ZNF595: variants seen among roughly 807,000 people sequenced by gnomAD.
The protein encoded by ZNF595 is zinc finger protein 595.
A neutral mutation model predicts 19.4 loss-of-function variants in ZNF595; 9 were observed. The observed-to-expected ratio is 0.46, with a 90% confidence interval of 0.28 to 0.81. The LOEUF is 0.81. ZNF595 is among the 30% of genes least tolerant of loss of function. ZNF595 has a pLI of 0.11. For missense variants in ZNF595, 729 were observed against 736.0 expected (o/e 0.99, Z 0.11); for synonymous variants, 255 against 255.9 (o/e 1.00, Z 0.03).
chr4:86,957 T>C lies in ZNF595; in HGVS notation c.1453T>C (p.Cys485Arg), dbSNP rs1714228400. 5 of 1,613,770 alleles carry C rather than the reference T, an allele frequency of 3.1e-6. No homozygotes were observed. Among genetic ancestry groups the C allele is most frequent in the Non-Finnish European group, 4.2e-6 (5 of 1,179,896 alleles). ...CGAGAAACCCTACAAATGTGAAGAA[T>C]GTGGCAAAGCTTTCATATGGTCCGC... The part of the protein sequence containing the change: ...TGEKPYKCEE[C>R]GKAFIWSASL... Residue 485 changes from cysteine (C) to arginine (R), a missense_variant, in exon 4 of 4, where the codon TGT becomes CGT. Physicochemically the swap from Cys to Arg is radical, Grantham distance 180. Coordinates refer to ENST00000610261, the MANE Select transcript of ZNF595 (RefSeq NM_182524.4).
chr4:60,871 C>T (rs1280102343), intron 3 of ZNF595, among the ~76,000 whole-genome samples: 22 of 151,864 alleles, frequency 1.4e-4, no homozygotes, highest in African/African-American at 4.9e-4. Flanking sequence ...AATTTGAACT[C>T]TATATATATT....
At position 87,709 on chromosome 4, in the gene ZNF595, A is replaced by G. The variant is rs960833090; in HGVS notation, c.*258A>G. 4.1e-6 allele frequency: 1 copy of G among 241,726 alleles called. No individual in the cohort carries two copies. Among genetic ancestry groups the G allele is most frequent in the Non-Finnish European group, 7.6e-6 (1 of 131,328 alleles). The allele number at this position is 241,726 out of a possible 1,614,324, so 15.0% of individuals were successfully genotyped here. On this transcript the variant is annotated 3_prime_UTR_variant, in exon 4 of 4. Coordinates refer to ENST00000610261, the MANE Select transcript of ZNF595 (RefSeq NM_182524.4). Reference sequence around the variant, plus strand: ...TGTATTACACACAGTCCAGTTATACACTTTAATTTTTTTTTTTTTTTTTTT... The same window carrying G: ...TGTATTACACACAGTCCAGTTATACGCTTTAATTTTTTTTTTTTTTTTTTT...
At chr4:73,184 A>C (rs1713501825) in intron 3 of ZNF595, among the ~76,000 whole-genome samples, 1 of 152,226 alleles carries the variant, frequency 6.6e-6, no homozygotes. Flanking sequence ...TAAGACCTGC[A>C]AGCATCTCCA....
intron 1 of ZNF595, among the ~76,000 whole-genome samples, chr4:55,245 C>A (rs1712582730): frequency 1.3e-5 from 2 of 151,562 alleles, no homozygotes; most frequent in East Asian, 1.9e-4. Context: ...CCCACAAATT[C>A]TCTTTTCTGT....
intron 3 of ZNF595, among the ~76,000 whole-genome samples, chr4:74,236 T>C (rs1258958791): frequency 1.3e-5 from 2 of 151,500 alleles, no homozygotes; most frequent in African/African-American, 4.8e-5. Flanking sequence ...GGCTGGGATG[T>C]TGAGGCTCTC....
intron 3 of ZNF595, among the ~76,000 whole-genome samples, chr4:63,664 C>T (rs1712945296): frequency 6.6e-6 from 1 of 152,304 alleles, no homozygotes; most frequent in African/African-American, 2.4e-5. Context: ...CCTCAGCCTC[C>T]CGAGTAGCTG....
At chr4:80,228 A>G (rs1337300243) in intron 3 of ZNF595, among the ~76,000 whole-genome samples, 1 of 152,102 alleles carries the variant, frequency 6.6e-6, no homozygotes, top group Non-Finnish European at 1.5e-5. Flanking sequence ...CTTCATGTTG[A>G]GGCTGGTCTC....
chr4:72,211 T>TA (rs1560088027), intron 3 of ZNF595, among the ~76,000 whole-genome samples: 1 of 152,324 alleles, frequency 6.6e-6, no homozygotes, highest in Non-Finnish European at 1.5e-5. Context: ...ATGTGAATTT[T>TA]AAAAAAATCT....
intron 3 of ZNF595, among the ~76,000 whole-genome samples, chr4:80,381 A>G (rs1262691019): frequency 6.6e-6 from 1 of 152,256 alleles, no homozygotes; most frequent in African/African-American, 2.4e-5. Flanking sequence ...ATACCTCAAC[A>G]CAATAAAGGC....
intron 3 of ZNF595, among the ~76,000 whole-genome samples, chr4:73,193 C>T (rs895801103): frequency 1.2e-4 from 18 of 151,498 alleles, no homozygotes; most frequent in African/African-American, 4.1e-4. Flanking sequence ...CAAGCATCTC[C>T]AAAATGAGGC....
intron 3 of ZNF595, among the ~76,000 whole-genome samples, chr4:80,621 G>A (rs1392480772): frequency 2.0e-5 from 3 of 152,084 alleles, no homozygotes; most frequent in African/African-American, 7.2e-5. Flanking sequence ...GTAGGTAATG[G>A]AAAATTACAG....
At chr4:74,768 C>T (rs1235215230) in intron 3 of ZNF595, among the ~76,000 whole-genome samples, 2 of 152,116 alleles carry the variant, frequency 1.3e-5, no homozygotes, top group Non-Finnish European at 2.9e-5. Flanking sequence ...TTCTGATTAG[C>T]CTCTCCAAAG....
Position 85,720 on chromosome 4 carries a change from A to ATTTC in ZNF595, c.227-6_227-3dup, listed in dbSNP as rs1553800954. 1 of 1,533,446 alleles carries ATTTC rather than the reference A, an allele frequency of 6.5e-7. No homozygotes were observed. The highest frequency in any genetic ancestry group is 2.3e-5 in the East Asian group (1 of 44,106). The allele number at this position is 1,533,446 out of a possible 1,614,324, so 95.0% of individuals were successfully genotyped here. ...GTAAGTGGGATAATTTGTTATTTTT[A>ATTTC]TTTCTTTCAGCTATATGTTCTCCTT... On this transcript the variant is annotated splice_polypyrimidine_tract_variant and intron_variant, in intron 3 of 3. Coordinates refer to ENST00000610261, the MANE Select transcript of ZNF595 (RefSeq NM_182524.4).
At chr4:71,258 A>C (rs1457454577) in intron 3 of ZNF595, among the ~76,000 whole-genome samples, 1 of 152,236 alleles carries the variant, frequency 6.6e-6, no homozygotes, top group Non-Finnish European at 1.5e-5. Context: ...ATAAAACTAC[A>C]TCATCTGCAA....
At position 86,438 on chromosome 4, in the gene ZNF595, T is replaced by A; in HGVS notation, c.934T>A (p.Tyr312Asn). ...GAATATTCATACTGGAGAGAAACCC[T>A]ACAAATGTAAAGAATGTGGCAAAGC... ...HKNIHTGEKPYKCKECGKAFR... is the reference protein window; with the variant it reads ...HKNIHTGEKPNKCKECGKAFR... The change falls in exon 4 of 4, where the codon TAC becomes AAC. Residue 312 changes from tyrosine (Y) to asparagine (N), a missense_variant. Transcript: ENST00000610261. 6.2e-7 allele frequency: 1 copy of A among 1,614,064 alleles called. No individual in the cohort carries two copies. The highest frequency in any genetic ancestry group is 8.5e-7 in the Non-Finnish European group (1 of 1,179,964).
At chr4:60,757 A>G (rs2108746439) in intron 3 of ZNF595, among the ~76,000 whole-genome samples, 2 of 152,418 alleles carry the variant, frequency 1.3e-5, no homozygotes, top group African/African-American at 4.8e-5. Context: ...AATTCTACAA[A>G]AACTCTTACT....
intron 3 of ZNF595, among the ~76,000 whole-genome samples, chr4:73,768 TATCAA>T (rs1334921442): frequency 1.3e-5 from 2 of 152,222 alleles, no homozygotes; most frequent in African/African-American, 4.8e-5. Flanking sequence ...TGAGTAGTTT[TATCAA>T]ATCCTTTAAC....
chr4:85,741 T>C lies in ZNF595; in HGVS notation c.237T>C (p.Ser79=), dbSNP rs781957920. ...ETAAKPPAIC[S]PFSQDLSPVQ... is the part of the protein sequence containing the mutation. ...TTTTATTTCTTTCAGCTATATGTTC[T>C]CCTTTCAGCCAAGACCTTTCACCAG... The change falls in exon 4 of 4, where the codon TCT becomes TCC. Residue 79 remains serine, a synonymous_variant. Transcript: ENST00000610261. 25 of 1,567,776 alleles carry C rather than the reference T, an allele frequency of 1.6e-5. No homozygotes were observed. Among genetic ancestry groups the C allele is most frequent in the Non-Finnish European group, 2.2e-5 (25 of 1,158,676 alleles).
rs183836524 is a variant in ZNF595, at chr4:76,029, T to G, written c.227-9702T>G. Among the ~76,000 whole-genome samples, 560 of 152,256 alleles carry G rather than the reference T, an allele frequency of 3.7e-3. 5 individuals are homozygous for G. Among genetic ancestry groups the G allele is most frequent in the African/African-American group, 0.013 (547 of 41,530 alleles). ...TCGCAGCCTCCTGAGTAGCTAGGAT[T>G]ACAAGTACATGCCACCATGTCCGGC... On this transcript the variant is annotated intron_variant, in intron 3 of 3. Coordinates refer to ENST00000610261, the MANE Select transcript of ZNF595 (RefSeq NM_182524.4).
Sources: gnomAD v4.1 joint callset for allele counts (sites outside exome capture counted in the v4.1 genomes callset) on GRCh38, gnomAD v4.1.1 for gene constraint, MANE v1.5 for transcripts, NCBI Gene and HGNC (gene_info 2026-07-23, HGNC 2026-07-21) for gene names.